KLF16: variants seen among roughly 807,000 people sequenced by gnomAD.
KLF16 encodes KLF transcription factor 16, also known as Krueppel-like factor 16.
Under a neutral mutation model 6.1 loss-of-function variants are expected in KLF16, and 6 were observed. That is an observed-to-expected ratio of 0.98 (90% CI 0.54 to 1.93). KLF16 has a LOEUF of 1.93. KLF16 is among the 30% of genes most tolerant of loss of function. The probability of loss-of-function intolerance (pLI) is 0.01; values close to 1 mark genes in which losing one functional copy is unlikely to be tolerated. For synonymous variants in KLF16, 211 were observed against 176.5 expected (o/e 1.20, Z -1.55); for missense variants, 355 against 363.8 (o/e 0.98, Z 0.20).
chr19:1,875,208 CG>C, the KLF16 span: 1 of 152,182 alleles, frequency 6.6e-6, no homozygotes. Flanking sequence ...GGGCAAAAAA[CG>C]GTTTGTACAA....
At position 1,852,678 on chromosome 19, in the gene KLF16, GCCAA is replaced by G. The variant is rs2011859377; in HGVS notation, c.*1777_*1780del. ...CAGACAGGCCCCTGCCAGGGCTGGG[GCCAA>G]CCAAGACTCACAAAGGAAAACGGGG... is the stretch of plus-strand genomic sequence containing the variant. On this transcript the variant is annotated 3_prime_UTR_variant, in exon 2 of 2. Transcript: ENST00000250916. 1 of 152,346 alleles carries G rather than the reference GCCAA, an allele frequency of 6.6e-6. No individual in the cohort carries two copies. Among genetic ancestry groups the G allele is most frequent in the African/African-American group, 2.4e-5 (1 of 41,430 alleles). 9.4% of individuals were successfully genotyped at this position (152,346 alleles called of 1,614,324 possible). A position where few individuals can be genotyped will look rare whatever the true frequency, so the allele number is the denominator to read the frequency against.
chr19:1,858,235 G>A (rs933014849), intron 1 of KLF16, among the ~76,000 whole-genome samples: 3 of 152,044 alleles, frequency 2.0e-5, no homozygotes, highest in Non-Finnish European at 4.4e-5. Flanking sequence ...GCTCACTCCT[G>A]GACTAGTGCA....
At chr19:1,867,692 C>T (rs578003520), upstream of KLF16, among the ~76,000 whole-genome samples, 20 of 152,056 alleles carry the variant, frequency 1.3e-4, no homozygotes, top group South Asian at 4.2e-3. Context: ...ATGATGAAAC[C>T]CTGTCTCTAC....
chr19:1,859,858 C>T (rs1283759656), intron 1 of KLF16, among the ~76,000 whole-genome samples: 1 of 152,092 alleles, frequency 6.6e-6, no homozygotes, highest in Non-Finnish European at 1.5e-5. Context: ...GGTCTGGGGA[C>T]ATTTGTGATT....
At chr19:1,869,442 T>C in the KLF16 span, among the ~76,000 whole-genome samples, 2 of 152,082 alleles carry the variant, frequency 1.3e-5, no homozygotes, top group Non-Finnish European at 2.9e-5. Flanking sequence ...ATCACACCAC[T>C]GCACTCCAGC....
At chr19:1,874,883 G>A in the KLF16 span, 2 of 151,548 alleles carry the variant, frequency 1.3e-5, no homozygotes, top group Admixed American at 6.6e-5. Flanking sequence ...AAATACAAAT[G>A]GCTTTTAAAT....
intron 1 of KLF16, among the ~76,000 whole-genome samples, chr19:1,855,321 C>T (rs889465561): frequency 3.9e-5 from 6 of 152,156 alleles, no homozygotes; most frequent in Admixed American, 2.6e-4. Context: ...GGCCCCTCCA[C>T]GAGCAAGGGG....
chr19:1,867,932 G>GTGTA (rs1555831981), upstream of KLF16, among the ~76,000 whole-genome samples: 2 of 55,596 alleles, frequency 3.6e-5, no homozygotes, highest in African/African-American at 7.6e-5. Flanking sequence ...AAGGACGTGT[G>GTGTA]TGTGTGTGTG....
At chr19:1,870,830 T>C in the KLF16 span, among the ~76,000 whole-genome samples, 4 of 151,924 alleles carry the variant, frequency 2.6e-5, no homozygotes, top group African/African-American at 9.7e-5. Context: ...ACCCCGTCTC[T>C]ACTAAAAATA....
chr19:1,860,513 C>T (rs1163782077), intron 1 of KLF16: 1 of 152,254 alleles, frequency 6.6e-6, no homozygotes, highest in Non-Finnish European at 1.5e-5. Context: ...ACTGGTGTTC[C>T]CTTTACAGAG....
chr19:1,865,450 C>G (rs146760851), upstream of KLF16, among the ~76,000 whole-genome samples: 1 of 152,372 alleles, frequency 6.6e-6, no homozygotes, highest in Non-Finnish European at 1.5e-5. Context: ...AGGGTCCACA[C>G]CCAACCATGC....
chr19:1,874,317 G>A, the KLF16 span, among the ~76,000 whole-genome samples: 1 of 152,148 alleles, frequency 6.6e-6, no homozygotes, highest in African/African-American at 2.4e-5. Context: ...ACTGGGATAA[G>A]AGTCTAGGGA....
chr19:1,869,072 A>ATG, the KLF16 span, among the ~76,000 whole-genome samples: 12 of 152,208 alleles, frequency 7.9e-5, no homozygotes, highest in African/African-American at 2.7e-4. Context: ...ATGAAATGCC[A>ATG]TGTGGGACCC....
At chr19:1,865,290 G>A (rs1344879279), upstream of KLF16, among the ~76,000 whole-genome samples, 2 of 152,076 alleles carry the variant, frequency 1.3e-5, no homozygotes, top group Non-Finnish European at 2.9e-5. Flanking sequence ...GCTGGGGGTC[G>A]GCGTTCCTGC....
chr19:1,856,176 G>A (rs1376710260), intron 1 of KLF16, among the ~76,000 whole-genome samples: 2 of 152,136 alleles, frequency 1.3e-5, no homozygotes, highest in Non-Finnish European at 1.5e-5. Flanking sequence ...CATGGTGAGG[G>A]GTACAGAGAC....
chr19:1,854,755 G>A lies in KLF16; in HGVS notation c.463C>T (p.Arg155Cys), dbSNP rs2011913165. The A allele has an allele frequency of 6.3e-7, 1 of 1,598,362 alleles. No homozygotes were observed. The highest frequency in any genetic ancestry group is 8.5e-7 in the Non-Finnish European group (1 of 1,179,438). Reference protein sequence around the residue: ...KSHLRTHTGERPFACDWQGCD... With the variant: ...KSHLRTHTGECPFACDWQGCD... ...CCCTGCCAGTCACAAGCAAAAGGGC[G>A]TTCCCCTGGACGGAGAGACAGAGAC... The change falls in exon 2 of 2, where the codon CGC (arginine) becomes TGC (cysteine). Residue 155 changes from arginine (R) to cysteine (C), a missense_variant. Physicochemically the swap from Arg to Cys is radical, Grantham distance 180. Coordinates refer to ENST00000250916, the MANE Select transcript of KLF16 (RefSeq NM_031918.4).
At chr19:1,862,998 A>T in intron 1 of KLF16, 43 bp downstream of exon 1, 1 of 1,197,458 alleles carries the variant, frequency 8.4e-7, no homozygotes, top group Non-Finnish European at 1.1e-6. Context: ...GAGGGGTCTC[A>T]GGCGGCCGCC....
upstream of KLF16, among the ~76,000 whole-genome samples, chr19:1,864,459 C>G (rs2012150656): frequency 6.6e-6 from 1 of 151,634 alleles, no homozygotes; most frequent in Non-Finnish European, 1.5e-5. Flanking sequence ...AGGCTGCGTT[C>G]GTTCCTCTTT....
intron 1 of KLF16, among the ~76,000 whole-genome samples, chr19:1,855,038 C>T (rs907378283): frequency 6.6e-6 from 1 of 152,134 alleles, no homozygotes; most frequent in Non-Finnish European, 1.5e-5. Context: ...CGTAAGTAAC[C>T]GCCGCAGACC....
Sources: gnomAD v4.1 joint callset for allele counts (sites outside exome capture counted in the v4.1 genomes callset) on GRCh38, gnomAD v4.1.1 for gene constraint, MANE v1.5 for transcripts, NCBI Gene and HGNC (gene_info 2026-07-23, HGNC 2026-07-21) for gene names.